The following GALNT2 variants were observed in gnomAD, a reference collection of about 807,000 sequenced individuals.
The protein encoded by GALNT2 is UDP-GalNAc:polypeptide N-acetylgalactosaminyltransferase 2.
Under a neutral mutation model 81.4 loss-of-function variants are expected in GALNT2, and 31 were observed. The observed-to-expected ratio is 0.38, with a 90% CI of 0.29 to 0.51. The LOEUF (loss-of-function observed/expected upper bound fraction) is 0.51. Ranked by LOEUF, GALNT2 falls within the 20% of genes least tolerant of loss-of-function variation. The pLI is 0.87. For missense variants in GALNT2, 629 were observed against 765.7 expected (o/e 0.82, Z 2.11); for synonymous variants, 303 against 287.4 (o/e 1.05, Z -0.55).
At chr1:230,245,932 G>A in intron 7 of GALNT2, 131 bp from the exon 8 acceptor site, 1 of 724,406 alleles carries the variant, frequency 1.4e-6, no homozygotes, top group South Asian at 1.6e-5. Flanking sequence ...GGTTCTTGAG[G>A]GCCTAGGGTA....
At chr1:230,170,185 A>G (rs1020158631) in intron 1 of GALNT2, among the ~76,000 whole-genome samples, 8 of 152,176 alleles carry the variant, frequency 5.3e-5, no homozygotes, top group Non-Finnish European at 1.0e-4. Flanking sequence ...TGGAGCTTTC[A>G]AAGCTTGCAG....
intron 8 of GALNT2, among the ~76,000 whole-genome samples, chr1:230,246,876 T>C (rs1031735463): frequency 2.6e-5 from 4 of 152,114 alleles, no homozygotes; most frequent in Non-Finnish European, 4.4e-5. Flanking sequence ...AGATGAACTA[T>C]TCTAGATAGA....
At chr1:230,260,274 G>C (rs2102758725) in intron 11 of GALNT2, among the ~76,000 whole-genome samples, 1 of 152,274 alleles carries the variant, frequency 6.6e-6, no homozygotes, top group South Asian at 2.1e-4. Context: ...GTCTCCCTCG[G>C]TGCCACTGTA....
intron 2 of GALNT2, among the ~76,000 whole-genome samples, chr1:230,192,015 G>T (rs766747532): frequency 2.0e-5 from 3 of 152,210 alleles, no homozygotes; most frequent in Non-Finnish European, 4.4e-5. Flanking sequence ...AACAGGTGAT[G>T]CCAGTGTTTC....
chr1:230,117,203 G>T (rs12078342), intron 1 of GALNT2, among the ~76,000 whole-genome samples: 5 of 152,008 alleles, frequency 3.3e-5, no homozygotes, highest in African/African-American at 1.2e-4. Flanking sequence ...CCTCACACAC[G>T]GTTAGCTTTC....
upstream of GALNT2, among the ~76,000 whole-genome samples, chr1:230,063,668 T>C (rs1659100858): frequency 6.6e-6 from 1 of 152,226 alleles, no homozygotes; most frequent in Admixed American, 6.5e-5. Flanking sequence ...TCCATCAAAC[T>C]AATAATGATT....
At chr1:230,172,701 T>C (rs1451543175) in intron 1 of GALNT2, among the ~76,000 whole-genome samples, 1 of 152,212 alleles carries the variant, frequency 6.6e-6, no homozygotes, top group African/African-American at 2.4e-5. Flanking sequence ...CTTTGGCAAC[T>C]GAGCCAAGAA....
intron 1 of GALNT2, chr1:230,092,181 T>TTTTTGTTTTTTTTTTG (rs776859825): frequency 4.4e-5 from 5 of 114,060 alleles, no homozygotes; most frequent in Admixed American, 2.8e-4. Context: ...CTTTAGTTTT[T>TTTTTGTTTTTTTTTTG]TTTTTTTTTT....
chr1:230,202,324 A>G (rs534192811), intron 2 of GALNT2, among the ~76,000 whole-genome samples: 1 of 151,882 alleles, frequency 6.6e-6, no homozygotes, highest in Non-Finnish European at 1.5e-5. Context: ...TCCTGACTTC[A>G]CTCGCCTAGC....
chr1:230,249,294 G>A lies in GALNT2; in HGVS notation c.905+23G>A, dbSNP rs1201316916. On this transcript the variant is annotated intron_variant, in intron 9 of 15. Coordinates refer to ENST00000366672, the MANE Select transcript of GALNT2 (RefSeq NM_004481.5). Reference sequence around the variant, plus strand: ...AAAGTAAGTGCCAGCATCCTTCAGGGTGCCCCTCCCAGATGAGACCCCAGG... The same window carrying A: ...AAAGTAAGTGCCAGCATCCTTCAGGATGCCCCTCCCAGATGAGACCCCAGG... 8.7e-6 allele frequency: 14 copies of A among 1,605,946 alleles called. No individual in the cohort carries two copies. The South Asian group carries it at 1.3e-4, about 15-fold the overall frequency.
intron 1 of GALNT2, among the ~76,000 whole-genome samples, chr1:230,141,771 C>A (rs1040352141): frequency 7.1e-6 from 1 of 140,744 alleles, no homozygotes; most frequent in Non-Finnish European, 1.6e-5. Context: ...TTCAAGACCC[C>A]GCTTTCTTTT....
intron 2 of GALNT2, among the ~76,000 whole-genome samples, chr1:230,181,352 T>C (rs1663153783): frequency 6.6e-6 from 1 of 152,214 alleles, no homozygotes; most frequent in Admixed American, 6.5e-5. Flanking sequence ...GATATGATCA[T>C]GTGATTTTTC....
At chr1:230,235,956 A>G in intron 3 of GALNT2, 58 bp from the exon 4 acceptor site, 1 of 1,539,802 alleles carries the variant, frequency 6.5e-7, no homozygotes. Context: ...GAAGGGCTAA[A>G]CAAGCTGTGG....
At chr1:230,151,464 T>G (rs1344664600) in intron 1 of GALNT2, among the ~76,000 whole-genome samples, 1 of 152,126 alleles carries the variant, frequency 6.6e-6, no homozygotes, top group Non-Finnish European at 1.5e-5. Context: ...TAATGCATGG[T>G]CTAGTTGTTT....
intron 1 of GALNT2, among the ~76,000 whole-genome samples, chr1:230,083,039 G>C (rs1234342746): frequency 2.7e-5 from 4 of 150,306 alleles, no homozygotes; most frequent in Admixed American, 6.6e-5. Flanking sequence ...GATGATGGAG[G>C]AGGGAAGCTG....
intron 2 of GALNT2, among the ~76,000 whole-genome samples, chr1:230,185,255 T>C (rs889525282): frequency 1.3e-5 from 2 of 150,974 alleles, no homozygotes; most frequent in African/African-American, 2.5e-5. Flanking sequence ...CTGTGTCTCT[T>C]TAAACTGTGC....
At position 230,156,563 on chromosome 1, in the gene GALNT2, T is replaced by G. The variant is rs141536572; in HGVS notation, c.127-21655T>G. On this transcript the variant is annotated intron_variant, in intron 1 of 15. Transcript: ENST00000366672. ...TTCAACATGCTTCCTAGATGCTGGA[T>G]ATTTTATTATCGTTTGTCACGGATC... Among the ~76,000 whole-genome samples, 127 of 152,360 alleles carry G rather than the reference T, an allele frequency of 8.3e-4. 4 individuals carry two copies. In the East Asian group the frequency reaches 0.02, roughly 24 times the overall value.
At chr1:230,260,140 A>G (rs4846944) in intron 11 of GALNT2, among the ~76,000 whole-genome samples, 140,256 of 152,264 alleles carry the variant, frequency 0.92, 64,795 homozygotes, top group East Asian at 1. Context: ...GGATGTTAGG[A>G]CATTTTGGAT....
intron 15 of GALNT2, among the ~76,000 whole-genome samples, chr1:230,276,012 ATATATACATGCCACATATATATACG>A (rs71173788): frequency 0.054 from 3,706 of 68,160 alleles, 354 homozygotes; most frequent in East Asian, 0.21. Flanking sequence ...ATATATACGT[ATATATACATGCCACATATATATACG>A]TATATACATG....
Sources: allele counts gnomAD v4.1 joint callset (sites outside exome capture counted in the v4.1 genomes callset), GRCh38; gene constraint gnomAD v4.1.1; transcripts MANE v1.5; gene names NCBI Gene and HGNC (gene_info 2026-07-23, HGNC 2026-07-21).